VPS13B: variants seen among roughly 807,000 people sequenced by gnomAD.
VPS13B encodes vacuolar protein sorting 13 homolog B, also known as intermembrane lipid transfer protein VPS13B.
A neutral mutation model predicts 426.4 loss-of-function variants in VPS13B; 285 were observed. The ratio of observed to expected loss-of-function variants is 0.67; its 90% CI spans 0.61 to 0.74. The LOEUF is 0.74. Among genes scored for constraint, VPS13B ranks in the 30% least tolerant of loss-of-function variants. The probability of loss-of-function intolerance (pLI) is 0.00; values close to 1 mark genes in which losing one functional copy is unlikely to be tolerated. For synonymous variants in VPS13B, 1,676 were observed against 1,676.4 expected, an observed-to-expected ratio of 1.00 and a Z score of 0.01; for missense variants, 4,537 against 4,782.6, an observed-to-expected ratio of 0.95 and a Z score of 1.51.
intron 19 of VPS13B, among the ~76,000 whole-genome samples, chr8:99,324,827 T>C (rs894725123): frequency 6.6e-6 from 1 of 152,190 alleles, no homozygotes; most frequent in African/African-American, 2.4e-5. Flanking sequence ...TATAATGTAG[T>C]CAGTTTTGTA....
chr8:99,091,587 A>G (rs530456540), intron 3 of VPS13B, among the ~76,000 whole-genome samples: 1 of 152,262 alleles, frequency 6.6e-6, no homozygotes, highest in African/African-American at 2.4e-5. Flanking sequence ...CTGTTAAGGT[A>G]GAGTTGAGTC....
intron 30 of VPS13B, among the ~76,000 whole-genome samples, chr8:99,550,790 T>C (rs935767456): frequency 6.6e-6 from 1 of 152,058 alleles, no homozygotes; most frequent in African/African-American, 2.4e-5. Flanking sequence ...TTTTGACCAG[T>C]GGATGACTCA....
rs115480039 is a variant in VPS13B, at chr8:99,319,518, C to T, written c.2824+44264C>T. Among the ~76,000 whole-genome samples the T allele has an allele frequency of 4.3e-3, 649 of 152,230 alleles. 3 individuals carry two copies. The highest frequency in any genetic ancestry group is 0.013 in the African/African-American group (538 of 41,530). ...ATATTTCAAAATTGTTCAGGATGTA[C>T]GACTGTTCTTTGTTGTAAAAGGATT... On this transcript the variant is annotated intron_variant, in intron 19 of 61. Transcript: ENST00000357162.
intron 23 of VPS13B, among the ~76,000 whole-genome samples, chr8:99,448,628 T>C (rs1818043394): frequency 6.6e-6 from 1 of 152,192 alleles, no homozygotes; most frequent in Non-Finnish European, 1.5e-5. Context: ...GGTTTCAGTG[T>C]CATGCCTGTA....
At chr8:99,300,797 G>A (rs1820316931) in intron 19 of VPS13B, among the ~76,000 whole-genome samples, 1 of 150,928 alleles carries the variant, frequency 6.6e-6, no homozygotes, top group Non-Finnish European at 1.5e-5. Flanking sequence ...TGTACCTCAA[G>A]TATCCCACTG....
At chr8:99,100,968 C>T (rs144433728) in intron 4 of VPS13B, among the ~76,000 whole-genome samples, 66 of 151,704 alleles carry the variant, frequency 4.4e-4, no homozygotes, top group South Asian at 1.3e-3. Flanking sequence ...CACTTGAACC[C>T]GGGAGGCGGA....
chr8:99,497,280 A>G (rs1820972245), intron 25 of VPS13B, among the ~76,000 whole-genome samples: 1 of 144,276 alleles, frequency 6.9e-6, no homozygotes, highest in South Asian at 2.1e-4. Context: ...ATATATTTAT[A>G]TATACATAAA....
At chr8:99,417,549 TTTG>T (rs1465397586) in intron 21 of VPS13B, among the ~76,000 whole-genome samples, 2 of 152,152 alleles carry the variant, frequency 1.3e-5, no homozygotes, top group African/African-American at 4.8e-5. Context: ...GTTCAAATTT[TTTG>T]TTGTTGTCTA....
intron 20 of VPS13B, among the ~76,000 whole-genome samples, chr8:99,389,384 AAGGGCT>A (rs1292811931): frequency 6.6e-6 from 1 of 152,102 alleles, no homozygotes; most frequent in Non-Finnish European, 1.5e-5. Context: ...GAAACAATGC[AAGGGCT>A]AGGGACACCA....
At chr8:99,063,529 C>T (rs1003922027) in intron 3 of VPS13B, among the ~76,000 whole-genome samples, 8 of 152,168 alleles carry the variant, frequency 5.3e-5, no homozygotes, top group African/African-American at 1.9e-4. Context: ...GGGGTGTCTG[C>T]CATTGCTGAG....
chr8:99,098,192 G>A lies in VPS13B; in HGVS notation c.412+1760G>A, dbSNP rs185716569. ...CTCATGCCTACTATTTACTTTTTAA[G>A]AGCCCTGAAGTAGCTGCTCCATACA... is the stretch of plus-strand genomic sequence containing the variant. On this transcript the variant is annotated intron_variant, in intron 4 of 61. Coordinates refer to ENST00000357162, the MANE Select transcript of VPS13B (RefSeq NM_152564.5). Among the ~76,000 whole-genome samples, 18 of 152,098 alleles carry A rather than the reference G, an allele frequency of 1.2e-4. No individual in the cohort carries two copies. In the East Asian group the frequency reaches 3.5e-3, roughly 29 times the overall value.
At chr8:99,514,560 T>C (rs1340263696) in intron 29 of VPS13B, among the ~76,000 whole-genome samples, 2 of 152,222 alleles carry the variant, frequency 1.3e-5, no homozygotes, top group Non-Finnish European at 2.9e-5. Context: ...CTGTCTTACT[T>C]TACTTAGCAT....
rs76163917 is a variant in VPS13B at position 99,635,860 on chromosome 8, G to T, written c.5221-5951G>T. On this transcript the variant is annotated intron_variant, in intron 33 of 61. Coordinates refer to ENST00000357162, the MANE Select transcript of VPS13B (RefSeq NM_152564.5). The stretch of plus-strand genomic sequence containing the variant: ...TGGTATTGTTGCATTATTCAAATGT[G>T]GTTTTATTTACTACTCCTGAGACAC... 9.4e-3 allele frequency among the ~76,000 whole-genome samples: 1,427 copies of T among 151,940 alleles called. 32 individuals are homozygous for T. Among genetic ancestry groups the T allele is most frequent in the African/African-American group, 0.033 (1,366 of 41,492 alleles).
intron 16 of VPS13B, among the ~76,000 whole-genome samples, chr8:99,173,367 T>G (rs1166841397): frequency 6.6e-6 from 1 of 152,140 alleles, no homozygotes; most frequent in Non-Finnish European, 1.5e-5. Context: ...GTAAATTCTT[T>G]TAGTTTTAAT....
At chr8:99,196,945 T>G (rs1813969699) in intron 17 of VPS13B, among the ~76,000 whole-genome samples, 1 of 152,176 alleles carries the variant, frequency 6.6e-6, no homozygotes, top group African/African-American at 2.4e-5. Context: ...TTCCATATGA[T>G]GTTAGCCATG....
chr8:99,828,394 G>GCTTTTTTTTTTTTTTTTTTTTTTTTTTTT lies in VPS13B; in HGVS notation c.9331-3975_9331-3974insCTTTTTTTTTTTTTTTTTTTTTTTTTTTT, dbSNP rs1563495224. ...ATCAGAGACTAGGATTACAACCACC[G>GCTTTTTTTTTTTTTTTTTTTTTTTTTTTT]TTTTTTTTTTTTTTTTTTTTTTTTT... On this transcript the variant is annotated intron_variant, in intron 51 of 61. Transcript: ENST00000357162. 1.1e-4 allele frequency among the ~76,000 whole-genome samples: 2 copies of GCTTTTTTTTTTTTTTTTTTTTTTTTTTTT among 17,424 alleles called. 1 individual carries two copies. The allele number at this position is 17,424 out of a possible 152,430, so 11.4% of individuals were successfully genotyped here.
intron 2 of VPS13B, among the ~76,000 whole-genome samples, chr8:99,014,645 A>T (rs1242080945): frequency 2.0e-5 from 3 of 150,726 alleles, no homozygotes; most frequent in African/African-American, 7.3e-5. Context: ...AGGGTTTGAA[A>T]GCCAGCAGGA....
chr8:99,122,699 G>C (rs182945233), intron 8 of VPS13B, among the ~76,000 whole-genome samples: 4 of 152,236 alleles, frequency 2.6e-5, no homozygotes, highest in Admixed American at 2.6e-4. Context: ...TCTAAGCATT[G>C]TTTTGTCTCC....
At chr8:99,282,000 A>C (rs914955238) in intron 19 of VPS13B, among the ~76,000 whole-genome samples, 1 of 151,860 alleles carries the variant, frequency 6.6e-6, no homozygotes, top group Non-Finnish European at 1.5e-5. Context: ...TTTTCTTTGG[A>C]TATTTTAGTG....
Sources: gnomAD v4.1 joint callset for allele counts (sites outside exome capture counted in the v4.1 genomes callset) on GRCh38, gnomAD v4.1.1 for gene constraint, MANE v1.5 for transcripts, NCBI Gene and HGNC (gene_info 2026-07-23, HGNC 2026-07-21) for gene names.